ARHGAP9: variants seen among roughly 807,000 people sequenced by gnomAD.
The protein encoded by ARHGAP9 is Rho GTPase activating protein 9.
Under a neutral mutation model 87.3 loss-of-function variants are expected in ARHGAP9, and 76 were observed. That is an observed-to-expected ratio of 0.87 (90% CI 0.72 to 1.05). The LOEUF is 1.05. ARHGAP9 is among the 50% of genes least tolerant of loss of function. The probability of loss-of-function intolerance (pLI) is 0.00; values close to 1 mark genes in which losing one functional copy is unlikely to be tolerated. For missense variants in ARHGAP9, 941 were observed against 960.5 expected (o/e 0.98, Z 0.27); for synonymous variants, 382 against 394.9 (o/e 0.97, Z 0.39).
At chr12:57,481,540 C>A (rs939965963), upstream of ARHGAP9, among the ~76,000 whole-genome samples, 1 of 152,106 alleles carries the variant, frequency 6.6e-6, no homozygotes, top group Non-Finnish European at 1.5e-5. Flanking sequence ...CGTAAGCCAC[C>A]GAGTCCAGCC....
upstream of ARHGAP9, chr12:57,480,724 G>C: frequency 6.7e-7 from 1 of 1,496,538 alleles, no homozygotes; most frequent in Non-Finnish European, 9.1e-7. Context: ...GGTGGGAAGT[G>C]ACCTTCCCTG....
intron 1 of ARHGAP9, chr12:57,488,011 C>G: frequency 8.3e-7 from 1 of 1,211,546 alleles, no homozygotes; most frequent in South Asian, 1.2e-5. Flanking sequence ...AACTCCATTT[C>G]CCGGCGTGCC....
intron 6 of ARHGAP9, 21 bp from the exon 7 acceptor site, chr12:57,476,672 G>A (rs372252208): frequency 8.4e-5 from 132 of 1,569,120 alleles, no homozygotes; most frequent in Middle Eastern, 1.7e-4. Flanking sequence ...GAGGGAATGG[G>A]ATCTGTAAGT....
Position 57,478,570 on chromosome 12 carries a change from T to C in ARHGAP9, c.504A>G (p.Glu168=). The C allele has an allele frequency of 6.2e-7, 1 of 1,614,124 alleles. No individual in the cohort carries two copies. Among genetic ancestry groups the C allele is most frequent in the Non-Finnish European group, 8.5e-7 (1 of 1,180,036 alleles). ...EGPSGRSLSQ[E]DLPSEASAST... ...TGGCACTGGCTTCTGACGGCAAGTC[T>C]TCCTGGGAGAGGGATCTTCCGCTTG... The change falls in exon 3 of 18, where the codon GAA becomes GAG. Residue 168 remains glutamate (E), a synonymous_variant. Transcript: ENST00000393791.
At chr12:57,488,117 C>A in intron 1 of ARHGAP9, 1 of 1,614,206 alleles carries the variant, frequency 6.2e-7, no homozygotes, top group Non-Finnish European at 8.5e-7. Context: ...GTGATGGCGT[C>A]CCGGGTTGCT....
rs1173207232 is a variant in ARHGAP9, at chr12:57,473,630, A to ATCCT, written c.1996_1997insAGGA (p.Leu666GlnfsTer18). 6.2e-7 allele frequency: 1 copy of ATCCT among 1,613,746 alleles called. No homozygotes were observed. The highest frequency in any genetic ancestry group is 8.5e-7 in the Non-Finnish European group (1 of 1,179,798). On this transcript the variant is annotated frameshift_variant, in exon 17 of 18. Coordinates refer to ENST00000393791, the MANE Select transcript of ARHGAP9 (RefSeq NM_032496.4). LOFTEE classifies it high-confidence loss of function. ...GCATAAATGCTCCAGGAGGTACCGTAGAGTGTCATGGTTGGGCTTTGGCAT... is the reference window on the plus strand; with the variant it reads ...GCATAAATGCTCCAGGAGGTACCGTATCCTGAGTGTCATGGTTGGGCTTTGGCAT...
intron 17 of ARHGAP9, among the ~76,000 whole-genome samples, 196 bp from the exon 18 acceptor site, chr12:57,472,884 T>C (rs529640154): frequency 2.6e-5 from 4 of 152,250 alleles, no homozygotes; most frequent in African/African-American, 9.6e-5. Context: ...CCTGAAGATA[T>C]AACTGCCTCT....
chr12:57,488,489 C>T, intron 1 of ARHGAP9: 2 of 1,364,584 alleles, frequency 1.5e-6, no homozygotes, highest in African/African-American at 1.4e-5. Context: ...CCTTCTCCTA[C>T]ACCTATCAGG....
At position 57,476,159 on chromosome 12, in the gene ARHGAP9, G is replaced by T. The variant is rs1471589021; in HGVS notation, c.1124C>A (p.Ala375Glu). The change falls in exon 9 of 18, where the codon GCG (alanine) becomes GAG (glutamate). Residue 375 changes from alanine (A) to glutamate (E), a missense_variant. By Grantham distance (107) the Ala-to-Glu change is moderately radical. Coordinates refer to ENST00000393791, the MANE Select transcript of ARHGAP9 (RefSeq NM_032496.4). ...PTAPSSGWGPAGSRPESSVDL... is the reference protein window; with the variant it reads ...PTAPSSGWGPEGSRPESSVDL... ...CACGCTACTTTCGGGCCGGCTACCC[G>T]CTGGTCCCTGACAATGAGGGAGGAA... The T allele has an allele frequency of 1.3e-5, 20 of 1,540,650 alleles. No homozygotes were observed. Among genetic ancestry groups the T allele is most frequent in the Admixed American group, 4.0e-5 (2 of 49,630 alleles).
chr12:57,487,069 C>T (rs1439725812), intron 1 of ARHGAP9, among the ~76,000 whole-genome samples: 2 of 151,576 alleles, frequency 1.3e-5, no homozygotes, highest in East Asian at 3.9e-4. Flanking sequence ...CTCCGCTTCC[C>T]GGGTTCAGGC....
At chr12:57,474,220 G>A in intron 15 of ARHGAP9, 44 bp from the exon 16 acceptor site, 2 of 1,596,974 alleles carry the variant, frequency 1.3e-6, no homozygotes, top group South Asian at 1.1e-5. Flanking sequence ...GGGCCAGAAA[G>A]ATTTAGAGAC....
In ARHGAP9 at chr12:57,472,704, A is replaced by G. The variant is rs765330466; in HGVS notation, c.2025-16T>C. ...TGCTATCACCCTGTAAGCAAAGGCC[A>G]AGGAAGGGGATATATGGCAGCAGCT... On this transcript the variant is annotated splice_polypyrimidine_tract_variant and intron_variant, in intron 17 of 17. Coordinates refer to ENST00000393791, the MANE Select transcript of ARHGAP9 (RefSeq NM_032496.4). 5.6e-6 allele frequency: 9 copies of G among 1,613,968 alleles called. No homozygotes were observed. Among genetic ancestry groups the G allele is most frequent in the Non-Finnish European group, 7.6e-6 (9 of 1,179,906 alleles).
chr12:57,487,973 G>C (rs1479964168), intron 1 of ARHGAP9: 1 of 763,630 alleles, frequency 1.3e-6, no homozygotes, highest in Non-Finnish European at 2.3e-6. Flanking sequence ...CTTTCCGGTA[G>C]CGGTGCCAGG....
At chr12:57,483,039 C>T (rs1594798380), upstream of ARHGAP9, among the ~76,000 whole-genome samples, 1 of 151,072 alleles carries the variant, frequency 6.6e-6, no homozygotes, top group Admixed American at 6.6e-5. Flanking sequence ...ACGGAGGTTG[C>T]AGTGAGCTAA....
At chr12:57,482,066 A>T (rs1875052790), upstream of ARHGAP9, among the ~76,000 whole-genome samples, 1 of 152,176 alleles carries the variant, frequency 6.6e-6, no homozygotes, top group Non-Finnish European at 1.5e-5. Context: ...AACTGAACTT[A>T]TCACAAACCT....
intron 1 of ARHGAP9, chr12:57,488,340 C>T (rs1256321355): frequency 2.5e-6 from 2 of 796,478 alleles, no homozygotes; most frequent in African/African-American, 3.4e-5. Context: ...TTGATCACTC[C>T]ACGCCTTCTT....
At position 57,479,345 on chromosome 12, in the gene ARHGAP9, G is replaced by C; in HGVS notation, c.62C>G (p.Pro21Arg). The C allele has an allele frequency of 6.2e-7, 1 of 1,614,166 alleles. No individual in the cohort carries two copies. Among genetic ancestry groups the C allele is most frequent in the Non-Finnish European group, 8.5e-7 (1 of 1,180,020 alleles). The change falls in exon 2 of 18, where the codon CCT (proline) becomes CGT (arginine). Residue 21 changes from proline (P) to arginine (R), a missense_variant. Coordinates refer to ENST00000393791, the MANE Select transcript of ARHGAP9 (RefSeq NM_032496.4). ...GGCACAGAGCTGGGATCCCCGAGGA[G>C]GGCTTCGGGGGCCCAGCCCTAGGAT... ...WGILGLGPRS[P>R]PRGSQLCALY...
chr12:57,486,160 T>C (rs1457785614), intron 1 of ARHGAP9, among the ~76,000 whole-genome samples: 1 of 152,226 alleles, frequency 6.6e-6, no homozygotes, highest in African/African-American at 2.4e-5. Context: ...TAGATATTAA[T>C]TATTCTTAAA....
intron 1 of ARHGAP9, 36 bp from the exon 2 acceptor site, chr12:57,479,460 A>C: frequency 6.3e-7 from 1 of 1,582,264 alleles, no homozygotes; most frequent in Admixed American, 1.8e-5. Context: ...CCCAGAAGGG[A>C]ATAGGCCTGG....
Sources: gnomAD v4.1 joint callset for allele counts (sites outside exome capture counted in the v4.1 genomes callset) on GRCh38, gnomAD v4.1.1 for gene constraint, MANE v1.5 for transcripts, NCBI Gene and HGNC (gene_info 2026-07-23, HGNC 2026-07-21) for gene names.